The following KLHL1 variants were observed in gnomAD, a reference collection of about 807,000 sequenced individuals.
The protein encoded by KLHL1 is kelch like family member 1.
A neutral mutation model predicts 77.7 loss-of-function variants in KLHL1; 47 were observed. The observed-to-expected ratio is 0.60, with a 90% CI of 0.48 to 0.77. The LOEUF (loss-of-function observed/expected upper bound fraction) is 0.77, where lower values mean the gene tolerates loss of function less well. KLHL1 is among the 30% of genes least tolerant of loss of function. KLHL1 has a pLI of 0.00. For synonymous variants in KLHL1, 360 were observed against 325.2 expected (o/e 1.11, Z -1.15); for missense variants, 925 against 910.8 (o/e 1.02, Z -0.20).
intron 1 of KLHL1, among the ~76,000 whole-genome samples, chr13:69,980,100 C>G (rs549856946): frequency 6.6e-6 from 1 of 152,292 alleles, no homozygotes; most frequent in South Asian, 2.1e-4. Flanking sequence ...TTACTGTTCT[C>G]GTGCTAAACA....
At chr13:69,842,199 A>G (rs1879289042) in intron 5 of KLHL1, among the ~76,000 whole-genome samples, 1 of 151,836 alleles carries the variant, frequency 6.6e-6, no homozygotes, top group African/African-American at 2.4e-5. Context: ...AAATGGGACT[A>G]TATCAAATTA....
chr13:69,728,046 A>G (rs9572250), intron 8 of KLHL1, among the ~76,000 whole-genome samples: 34,202 of 152,036 alleles, frequency 0.22, 4,025 homozygotes, highest in South Asian at 0.32. Context: ...CAGGTCCCTT[A>G]AAAATCATCT....
intron 1 of KLHL1, among the ~76,000 whole-genome samples, chr13:69,984,438 G>A (rs2137303780): frequency 6.6e-6 from 1 of 152,196 alleles, no homozygotes; most frequent in South Asian, 2.1e-4. Context: ...GTACAGTAAG[G>A]AGCAGACAAC....
chr13:69,873,703 T>C (rs1414838347), intron 5 of KLHL1, among the ~76,000 whole-genome samples: 1 of 152,114 alleles, frequency 6.6e-6, no homozygotes, highest in Non-Finnish European at 1.5e-5. Context: ...ATGGCACATG[T>C]ATACCTATGT....
At chr13:69,873,380 TTC>T (rs912530572) in intron 5 of KLHL1, among the ~76,000 whole-genome samples, 1 of 152,040 alleles carries the variant, frequency 6.6e-6, no homozygotes, top group Non-Finnish European at 1.5e-5. Context: ...AACAATTCTA[TTC>T]TCTCTCTCTC....
intron 1 of KLHL1, among the ~76,000 whole-genome samples, chr13:69,977,956 ATATT>A (rs1566465908): frequency 1.3e-5 from 2 of 152,136 alleles, no homozygotes; most frequent in Non-Finnish European, 2.9e-5. Flanking sequence ...TGCAATATAT[ATATT>A]TATCTACACA....
intron 4 of KLHL1, among the ~76,000 whole-genome samples, chr13:69,921,741 T>C (rs753683701): frequency 1.3e-5 from 2 of 152,116 alleles, no homozygotes; most frequent in Non-Finnish European, 2.9e-5. Context: ...ATCAATAGCC[T>C]CTAGCTTTTA....
chr13:69,702,068 T>C (rs4384501), intron 10 of KLHL1, among the ~76,000 whole-genome samples: 1 of 151,726 alleles, frequency 6.6e-6, no homozygotes, highest in African/African-American at 2.4e-5. Context: ...TTCTGGAGTT[T>C]GCATGGACAC....
At chr13:69,769,451 G>C (rs1875458566) in intron 7 of KLHL1, among the ~76,000 whole-genome samples, 1 of 152,064 alleles carries the variant, frequency 6.6e-6, no homozygotes, top group Non-Finnish European at 1.5e-5. Context: ...GACAGGGATG[G>C]GTCCCTGGTG....
intron 1 of KLHL1, among the ~76,000 whole-genome samples, chr13:69,981,784 G>T (rs1312595288): frequency 6.7e-6 from 1 of 149,984 alleles, no homozygotes. Context: ...TTCAAAAAGT[G>T]CCCAAAATAA....
intron 7 of KLHL1, among the ~76,000 whole-genome samples, chr13:69,752,297 C>A (rs1249500308): frequency 6.6e-6 from 1 of 152,012 alleles, no homozygotes; most frequent in African/African-American, 2.4e-5. Flanking sequence ...GCTAATGCAC[C>A]CCGTTGCCTC....
At chr13:69,835,120 G>C (rs866820621) in intron 6 of KLHL1, among the ~76,000 whole-genome samples, 2 of 151,972 alleles carry the variant, frequency 1.3e-5, no homozygotes, top group Non-Finnish European at 2.9e-5. Flanking sequence ...GAGTGTTAAT[G>C]GTTTAGTTAT....
At chr13:69,943,390 C>G (rs1883425173) in intron 3 of KLHL1, among the ~76,000 whole-genome samples, 2 of 151,856 alleles carry the variant, frequency 1.3e-5, no homozygotes, top group Non-Finnish European at 1.5e-5. Context: ...TAAAGCATGC[C>G]TCCAAGCATA....
intron 1 of KLHL1, among the ~76,000 whole-genome samples, chr13:70,078,407 T>A (rs1406519281): frequency 6.6e-6 from 1 of 152,092 alleles, no homozygotes; most frequent in Non-Finnish European, 1.5e-5. Context: ...AGTTTTTTAA[T>A]GAGAAATTTA....
At position 69,753,746 on chromosome 13, in the gene KLHL1, A is replaced by C. The variant is rs552007968; in HGVS notation, c.1640-13190T>G. The stretch of plus-strand genomic sequence containing the variant: ...TGAAGATTATTCTCTACTGTATTCT[A>C]ACAGGGTTCTGTTGACATACACAGG... On this transcript the variant is annotated intron_variant, in intron 7 of 10. Transcript: ENST00000377844. Among the ~76,000 whole-genome samples the C allele has an allele frequency of 2.0e-5, 3 of 152,282 alleles. No homozygotes were observed. In the East Asian group the frequency reaches 5.8e-4, roughly 29 times the overall value.
chr13:70,025,147 A>T (rs1461396438), intron 1 of KLHL1, among the ~76,000 whole-genome samples: 1 of 152,074 alleles, frequency 6.6e-6, no homozygotes, highest in Non-Finnish European at 1.5e-5. Context: ...GCTGCCACTC[A>T]TTTAAATTAT....
chr13:69,788,690 T>C (rs1483794305), intron 7 of KLHL1, among the ~76,000 whole-genome samples: 4 of 151,980 alleles, frequency 2.6e-5, no homozygotes, highest in Non-Finnish European at 5.9e-5. Context: ...AGTATTTATG[T>C]ATATCTTAAC....
intron 1 of KLHL1, among the ~76,000 whole-genome samples, chr13:69,983,589 A>AAAAAAAAAAAAAAAAAAAGAAG (rs1216543322): frequency 7.6e-6 from 1 of 132,166 alleles, no homozygotes; most frequent in Non-Finnish European, 1.5e-5. Context: ...AAAAAAAAAA[A>AAAAAAAAAAAAAAAAAAAGAAG]AAGAAGAAGA....
chr13:70,076,605 C>T (rs1307828871), intron 1 of KLHL1, among the ~76,000 whole-genome samples: 1 of 151,432 alleles, frequency 6.6e-6, no homozygotes, highest in Non-Finnish European at 1.5e-5. Flanking sequence ...AAGCCCAATC[C>T]ATGAAAGAAA....
Sources: gnomAD v4.1 joint callset for allele counts (sites outside exome capture counted in the v4.1 genomes callset) on GRCh38, gnomAD v4.1.1 for gene constraint, MANE v1.5 for transcripts, NCBI Gene and HGNC (gene_info 2026-07-23, HGNC 2026-07-21) for gene names.